The following CNOT9 variants were observed in gnomAD, a reference collection of about 807,000 sequenced individuals.
CNOT9 encodes the protein RCD1 required for cell differentiation1 homolog.
In CNOT9, 8 loss-of-function variants were observed where a neutral mutation model predicts 37.4. That is an observed-to-expected ratio of 0.21 (90% CI 0.13 to 0.39). CNOT9 has a LOEUF of 0.39. CNOT9 is among the 10% of genes least tolerant of loss of function. The pLI is 1.00. For synonymous variants in CNOT9, 120 were observed against 137.6 expected (o/e 0.87, Z 0.90); for missense variants, 154 against 365.3 (o/e 0.42, Z 4.71).
intron 3 of CNOT9, among the ~76,000 whole-genome samples, 166 bp downstream of exon 3, chr2:218,583,252 TCTCTCTCTCTCTC>T (rs1694476469): frequency 1.9e-5 from 1 of 52,674 alleles, no homozygotes; most frequent in African/African-American, 9.6e-5. Flanking sequence ...TCTCTCTCTC[TCTCTCTCTCTCTC>T]TCTCTCTCTC....
At chr2:218,575,498 C>T (rs745611164) in intron 1 of CNOT9, among the ~76,000 whole-genome samples, 5 of 145,764 alleles carry the variant, frequency 3.4e-5, no homozygotes, top group Admixed American at 6.8e-5. Flanking sequence ...CTCCGCTTCC[C>T]GGGTTCACGC....
intron 7 of CNOT9, chr2:218,593,445 G>A (rs897160561): frequency 3.8e-6 from 3 of 788,230 alleles, no homozygotes; most frequent in Non-Finnish European, 5.5e-6. Context: ...AATTCTACTT[G>A]TACAAAGAAA....
In CNOT9 at chr2:218,592,160, A is replaced by G. The variant is rs1205304494; in HGVS notation, c.541-144A>G. ...ATATTTATTATTCTTTGTACTATACATATATGATAAAGTTGTACATAATAT... is the reference window on the plus strand; with the variant it reads ...ATATTTATTATTCTTTGTACTATACGTATATGATAAAGTTGTACATAATAT... On this transcript the variant is annotated intron_variant, in intron 5 of 7. Transcript: ENST00000273064. The surrounding 1 kb of genome is among the most constrained non-coding windows in gnomAD (Gnocchi z 4.1). The G allele has an allele frequency of 4.7e-6, 3 of 632,066 alleles. No individual in the cohort carries two copies. Among genetic ancestry groups the G allele is most frequent in the South Asian group, 1.9e-5 (1 of 52,852 alleles). 39.2% of individuals were successfully genotyped at this position (632,066 alleles called of 1,614,324 possible). A position where few individuals can be genotyped will look rare whatever the true frequency, so the allele number is the denominator to read the frequency against.
At chr2:218,577,666 G>A (rs186193112) in intron 1 of CNOT9, among the ~76,000 whole-genome samples, 1 of 152,336 alleles carries the variant, frequency 6.6e-6, no homozygotes, top group Non-Finnish European at 1.5e-5. Context: ...GATGGGGCCT[G>A]GTGTTCAGGA....
chr2:218,580,113 C>T (rs957729297), intron 1 of CNOT9, among the ~76,000 whole-genome samples: 4 of 151,872 alleles, frequency 2.6e-5, no homozygotes, highest in South Asian at 2.1e-4. Flanking sequence ...GGATTACAGG[C>T]GCCCATCACC....
rs746471039 is a variant in CNOT9, at chr2:218,592,600, A to G, written c.640-16A>G. 12 of 1,613,384 alleles carry G rather than the reference A, an allele frequency of 7.4e-6. No homozygotes were observed. In the East Asian group the frequency reaches 2.5e-4, roughly 33 times the overall value. ...TGTGTTTTTTCCAACCCCTCCCCTT[A>G]TTTTGGGGGAAACAGGGTAAGATGG... On this transcript the variant is annotated splice_polypyrimidine_tract_variant and intron_variant, in intron 6 of 7. Coordinates refer to ENST00000273064, the MANE Select transcript of CNOT9 (RefSeq NM_005444.3). This position sits in a 1 kb window ranked among gnomAD's most constrained non-coding sequence, Gnocchi z 4.1.
At chr2:218,571,673 G>A (rs1205552923) in intron 1 of CNOT9, among the ~76,000 whole-genome samples, 1 of 150,360 alleles carries the variant, frequency 6.7e-6, no homozygotes, top group Non-Finnish European at 1.5e-5. Flanking sequence ...CTGGGTTCAA[G>A]CAATTCTCCT....
chr2:218,574,779 C>T (rs902337636), intron 1 of CNOT9, among the ~76,000 whole-genome samples: 3 of 152,146 alleles, frequency 2.0e-5, no homozygotes, highest in African/African-American at 7.2e-5. Flanking sequence ...CCATGATTGC[C>T]TCAGGCTGAG....
Position 218,588,407 on chromosome 2 carries a change from G to C in CNOT9, c.540+712G>C, listed in dbSNP as rs577446133. The stretch of plus-strand genomic sequence containing the variant: ...GGGTTCAAGCAGTTCTCCTGCCTCA[G>C]CCTCCCAAGTAGCTGGGACTACAGG... On this transcript the variant is annotated intron_variant, in intron 5 of 7. Coordinates refer to ENST00000273064, the MANE Select transcript of CNOT9 (RefSeq NM_005444.3). 2.1e-4 allele frequency among the ~76,000 whole-genome samples: 32 copies of C among 151,112 alleles called. No individual in the cohort carries two copies. In the East Asian group the frequency reaches 6.0e-3, roughly 29 times the overall value.
rs1243990810 is a variant in CNOT9, at chr2:218,592,747, T to C, written c.731+40T>C. On this transcript the variant is annotated intron_variant, in intron 7 of 7. Transcript: ENST00000273064. The surrounding 1 kb of genome is among the most constrained non-coding windows in gnomAD (Gnocchi z 4.1). ...GATGTATAGGACTTTAGGGAAATACTCTGCTGAACAGTTTCCTAATCTCAT... is the reference window on the plus strand; with the variant it reads ...GATGTATAGGACTTTAGGGAAATACCCTGCTGAACAGTTTCCTAATCTCAT... The C allele has an allele frequency of 2.0e-6, 3 of 1,509,018 alleles. No individual in the cohort carries two copies. The highest frequency in any genetic ancestry group is 1.8e-6 in the Non-Finnish European group (2 of 1,084,300). 93.5% of individuals were successfully genotyped at this position (1,509,018 alleles called of 1,614,324 possible). A position where few individuals can be genotyped will look rare whatever the true frequency, so the allele number is the denominator to read the frequency against.
At position 218,592,195 on chromosome 2, in the gene CNOT9, C is replaced by T. The variant is rs1344221445; in HGVS notation, c.541-109C>T. 4.0e-6 allele frequency: 3 copies of T among 744,950 alleles called. No individual in the cohort carries two copies. The highest frequency in any genetic ancestry group is 7.1e-6 in the Non-Finnish European group (3 of 423,694). 46.1% of individuals were successfully genotyped at this position (744,950 alleles called of 1,614,324 possible). A position where few individuals can be genotyped will look rare whatever the true frequency, so the allele number is the denominator to read the frequency against. On this transcript the variant is annotated intron_variant, in intron 5 of 7. Coordinates refer to ENST00000273064, the MANE Select transcript of CNOT9 (RefSeq NM_005444.3). The surrounding 1 kb of genome is among the most constrained non-coding windows in gnomAD (Gnocchi z 4.1). ...AAGTTGTACATAATATACAAGGATC[C>T]CTGCTTGCTCAATTTTCTGACTGAT... is the stretch of plus-strand genomic sequence containing the variant.
intron 1 of CNOT9, among the ~76,000 whole-genome samples, chr2:218,575,387 C>CTTTTTTTTTTTTTTTTTTTTTTTTTTT (rs71064461): frequency 7.9e-6 from 1 of 127,236 alleles, no homozygotes; most frequent in African/African-American, 2.8e-5. Context: ...TTTCTTTTTT[C>CTTTTTTTTTTTTTTTTTTTTTTTTTTT]TTTTTTTTTT....
At chr2:218,585,750 C>T (rs1387332951) in intron 4 of CNOT9, among the ~76,000 whole-genome samples, 5 of 151,576 alleles carry the variant, frequency 3.3e-5, no homozygotes, top group Admixed American at 3.3e-4. Context: ...ACAAATCCAC[C>T]CACCTCAGCC....
chr2:218,586,527 TG>T (rs1314282244), intron 4 of CNOT9, among the ~76,000 whole-genome samples: 2 of 151,744 alleles, frequency 1.3e-5, no homozygotes, highest in African/African-American at 4.8e-5. Flanking sequence ...CTTGCTCTGT[TG>T]CCCAGGCTAG....
intron 3 of CNOT9, among the ~76,000 whole-genome samples, chr2:218,583,723 G>A (rs556186684): frequency 6.6e-6 from 1 of 152,230 alleles, no homozygotes; most frequent in African/African-American, 2.4e-5. Context: ...TGTATGCTAG[G>A]TTGGCACTGA....
intron 1 of CNOT9, among the ~76,000 whole-genome samples, chr2:218,576,701 C>G (rs1694182112): frequency 6.6e-6 from 1 of 152,194 alleles, no homozygotes; most frequent in Non-Finnish European, 1.5e-5. Context: ...AGCACAGTCG[C>G]TTATACCTGC....
intron 1 of CNOT9, among the ~76,000 whole-genome samples, chr2:218,571,574 CTT>C (rs34894382): frequency 9.8e-5 from 14 of 142,624 alleles, no homozygotes; most frequent in Admixed American, 7.0e-5. Flanking sequence ...TTTTGTGATT[CTT>C]TTTTTTTTTT....
chr2:218,591,196 C>T (rs1574998061), intron 5 of CNOT9, among the ~76,000 whole-genome samples: 2 of 151,884 alleles, frequency 1.3e-5, no homozygotes, highest in African/African-American at 4.8e-5. Flanking sequence ...GTTATAACCC[C>T]AATAAAATAG....
chr2:218,577,703 C>T (rs1694219644), intron 1 of CNOT9, among the ~76,000 whole-genome samples: 1 of 152,154 alleles, frequency 6.6e-6, no homozygotes, highest in Non-Finnish European at 1.5e-5. Flanking sequence ...CAGTGGTTAC[C>T]AGGGCAAGAT....
Sources: gnomAD v4.1 joint callset for allele counts (sites outside exome capture counted in the v4.1 genomes callset) on GRCh38, gnomAD v4.1.1 for gene constraint, Gnocchi (gnomAD v3.1) non-coding constraint, MANE v1.5 for transcripts, NCBI Gene and HGNC (gene_info 2026-07-23, HGNC 2026-07-21) for gene names.